The following C9orf50 variants were observed in gnomAD, a reference collection of about 807,000 sequenced individuals.
The protein encoded by C9orf50 is chromosome 9 open reading frame 50, also known as uncharacterized protein C9orf50.
A neutral mutation model predicts 42.5 loss-of-function variants in C9orf50; 33 were observed. The observed-to-expected ratio is 0.78, with a 90% CI of 0.59 to 1.04. The LOEUF (loss-of-function observed/expected upper bound fraction) is 1.04, where lower values mean the gene tolerates loss of function less well. Ranked by LOEUF, C9orf50 falls within the 50% of genes least tolerant of loss-of-function variation. The pLI is 0.00. For synonymous variants in C9orf50, 257 were observed against 273.4 expected (o/e 0.94, Z 0.59); for missense variants, 547 against 594.3 (o/e 0.92, Z 0.83).
exon 4 of C9orf50, chr9:129,615,549 C>G (rs772422291): frequency 3.1e-6 from 5 of 1,610,660 alleles, no homozygotes; most frequent in Non-Finnish European, 4.2e-6. Flanking sequence ...GAATCGCACC[C>G]GGAAAGGGCA....
chr9:129,613,696 CCT>C lies in C9orf50; in HGVS notation c.881-101_881-100del. ...TCTGGCAGGCAGGGCCGGTCAGAGC[CCT>C]GTCTCCATGGCAACCCCAGGCTCCC... On this transcript the variant is annotated intron_variant, in intron 4 of 6. Coordinates refer to ENST00000372478, the Ensembl canonical transcript of C9orf50. This position sits in a 1 kb window ranked among gnomAD's most constrained non-coding sequence, Gnocchi z 6.2. 3 of 1,485,808 alleles carry C rather than the reference CCT, an allele frequency of 2.0e-6. No homozygotes were observed. The highest frequency in any genetic ancestry group is 2.7e-6 in the Non-Finnish European group (3 of 1,094,812). 92.0% of individuals were successfully genotyped at this position (1,485,808 alleles called of 1,614,324 possible). A position where few individuals can be genotyped will look rare whatever the true frequency, so the allele number is the denominator to read the frequency against.
rs968336638 is a variant in C9orf50, at chr9:129,613,556, C to T, written c.922G>A (p.Val308Met). 6.2e-7 allele frequency: 1 copy of T among 1,614,188 alleles called. No homozygotes were observed. Residue 308 changes from valine (V) to methionine (M), a missense_variant, in exon 5 of 7, where the codon GTG becomes ATG. This residue lies in a region of C9orf50 where 334 missense variants were observed against 323.7 expected (regional missense o/e 1.03). Coordinates refer to ENST00000372478, the Ensembl canonical transcript of C9orf50. The surrounding 1 kb of genome is among the most constrained non-coding windows in gnomAD (Gnocchi z 6.2). The stretch of plus-strand genomic sequence containing the variant: ...CTCCCAAACACCCGCTCGGACGCCA[C>T]TGGCAGGGCGGCCTTCTGGTTCACA...
In C9orf50 at chr9:129,619,617, G is replaced by A. The variant is rs904777645; in HGVS notation, c.619C>T (p.Gln207Ter). 1 of 1,614,062 alleles carries A rather than the reference G, an allele frequency of 6.2e-7. No individual in the cohort carries two copies. Among genetic ancestry groups the A allele is most frequent in the Admixed American group, 1.7e-5 (1 of 60,016 alleles). The change falls in exon 3 of 7, where the codon CAG becomes TAG. Residue 207 changes from glutamine to a stop codon, truncating the protein, a stop_gained. Coordinates refer to ENST00000372478, the Ensembl canonical transcript of C9orf50. LOFTEE classifies it high-confidence loss of function. ...AGCGAAATCTTCGTAAGACTATCCT[G>A]GAGGTGCGATGACTGGCCCCTTAAA...
Position 129,613,394 on chromosome 9 carries a change from G to T in C9orf50, c.1043+41C>A, listed in dbSNP as rs773104164. On this transcript the variant is annotated intron_variant, in intron 5 of 6. Transcript: ENST00000372478. The surrounding 1 kb of genome is among the most constrained non-coding windows in gnomAD (Gnocchi z 6.2). The stretch of plus-strand genomic sequence containing the variant: ...GTAGGCAAGGGGGGTGGAGGGCCCT[G>T]GCAATGTCCACGAGTCCCATCCGCT... 1 of 1,604,504 alleles carries T rather than the reference G, an allele frequency of 6.2e-7. No homozygotes were observed. The highest frequency in any genetic ancestry group is 8.5e-7 in the Non-Finnish European group (1 of 1,173,796).
chr9:129,617,276 G>C (rs1830439062), intron 3 of C9orf50, among the ~76,000 whole-genome samples: 1 of 152,196 alleles, frequency 6.6e-6, no homozygotes, highest in Non-Finnish European at 1.5e-5. Context: ...CAAGCAGTTG[G>C]GAGGTGTCAG....
rs763049533 is a variant in C9orf50, at chr9:129,620,453, C to T, written c.122G>A (p.Arg41Gln). Residue 41 changes from arginine (R) to glutamine (Q), a missense_variant, in exon 1 of 7, where the codon CGA becomes CAA. Arg to Gln is a conservative substitution (Grantham distance 43, BLOSUM62 1). Transcript: ENST00000372478. This position sits in a 1 kb window ranked among gnomAD's most constrained non-coding sequence, Gnocchi z 5.8. ...GGAGCCCCGCGCGCCCAGAGCCGCT[C>T]GGAGCGCGGGCGGGGTCAGCTTGGG... The T allele has an allele frequency of 1.5e-6, 2 of 1,319,286 alleles. No homozygotes were observed. Among genetic ancestry groups the T allele is most frequent in the Non-Finnish European group, 1.9e-6 (2 of 1,032,370 alleles). 81.7% of individuals were successfully genotyped at this position (1,319,286 alleles called of 1,614,324 possible). A position where few individuals can be genotyped will look rare whatever the true frequency, so the allele number is the denominator to read the frequency against.
At chr9:129,619,851 T>C (rs995833600) in intron 1 of C9orf50, 21 bp from the exon 2 acceptor site, 1 of 1,611,826 alleles carries the variant, frequency 6.2e-7, no homozygotes, top group East Asian at 2.2e-5. Context: ...GAGGAAACAG[T>C]TGTGAGCCTT....
intron 1 of C9orf50, 116 bp downstream of exon 1, chr9:129,619,951 A>G (rs1830593302): frequency 6.8e-7 from 1 of 1,480,658 alleles, no homozygotes; most frequent in Non-Finnish European, 9.2e-7. Context: ...TGAGATACTC[A>G]GCTAACATTA....
chr9:129,621,707 GAGCCCC>G (rs906807995), upstream of C9orf50, among the ~76,000 whole-genome samples: 72 of 152,128 alleles, frequency 4.7e-4, no homozygotes, highest in African/African-American at 1.6e-3. Flanking sequence ...TTGGGAGGCA[GAGCCCC>G]AGTCTTACTC....
Position 129,613,883 on chromosome 9 carries a change from A to G in C9orf50, c.881-286T>C, listed in dbSNP as rs560188064. ...GTGGGGAGACCACTTACCCCATCAT[A>G]GAAATCCCAGAAACCATGCTGAGAG... On this transcript the variant is annotated intron_variant, in intron 4 of 6. Coordinates refer to ENST00000372478, the Ensembl canonical transcript of C9orf50. The surrounding 1 kb of genome is among the most constrained non-coding windows in gnomAD (Gnocchi z 6.2). Among the ~76,000 whole-genome samples, 1 of 152,322 alleles carries G rather than the reference A, an allele frequency of 6.6e-6. No individual in the cohort carries two copies. Among genetic ancestry groups the G allele is most frequent in the African/African-American group, 2.4e-5 (1 of 41,570 alleles).
chr9:129,618,040 T>G (rs1830480932), intron 3 of C9orf50, among the ~76,000 whole-genome samples: 1 of 152,206 alleles, frequency 6.6e-6, no homozygotes, highest in Non-Finnish European at 1.5e-5. Flanking sequence ...CCTAGAGTAC[T>G]GTGTGAGGAA....
chr9:129,612,299 C>G, exon 7 of C9orf50: 1 of 1,507,534 alleles, frequency 6.6e-7, no homozygotes, highest in Non-Finnish European at 9.2e-7. Flanking sequence ...GAAGGACGCT[C>G]CTCATTGCCT....
At position 129,613,081 on chromosome 9, in the gene C9orf50, G is replaced by A; in HGVS notation, c.1188+26C>T. 1 of 1,613,138 alleles carries A rather than the reference G, an allele frequency of 6.2e-7. No individual in the cohort carries two copies. The highest frequency in any genetic ancestry group is 1.3e-5 in the African/African-American group (1 of 75,050). The stretch of plus-strand genomic sequence containing the variant: ...CCAGCAGGGGCTCACCAGCTTCTAG[G>A]TCCAGGAGCAAGACCATTTGCCCAC... On this transcript the variant is annotated intron_variant, in intron 6 of 6. Transcript: ENST00000372478. The surrounding 1 kb of genome is among the most constrained non-coding windows in gnomAD (Gnocchi z 6.2).
exon 4 of C9orf50, chr9:129,615,520 C>A: frequency 6.2e-7 from 1 of 1,610,314 alleles, no homozygotes. Flanking sequence ...AGCGTTGTGT[C>A]CTGCAGGGTC....
intron 6 of C9orf50, 62 bp from the exon 7 acceptor site, chr9:129,612,516 C>A: frequency 7.6e-7 from 1 of 1,324,354 alleles, no homozygotes; most frequent in Non-Finnish European, 1.1e-6. Flanking sequence ...GACTGGGCTC[C>A]CAGTGGGATT....
In C9orf50 at chr9:129,613,865, G is replaced by A. The variant is rs1830217632; in HGVS notation, c.881-268C>T. Among the ~76,000 whole-genome samples the A allele has an allele frequency of 6.6e-6, 1 of 152,198 alleles. No individual in the cohort carries two copies. Among genetic ancestry groups the A allele is most frequent in the African/African-American group, 2.4e-5 (1 of 41,472 alleles). ...CGTGCCCCCTTTCTCGCAGTGGGGA[G>A]ACCACTTACCCCATCATAGAAATCC... On this transcript the variant is annotated intron_variant, in intron 4 of 6. Coordinates refer to ENST00000372478, the Ensembl canonical transcript of C9orf50. This position sits in a 1 kb window ranked among gnomAD's most constrained non-coding sequence, Gnocchi z 6.2.
exon 4 of C9orf50, chr9:129,615,617 G>A: frequency 6.3e-7 from 1 of 1,595,078 alleles, no homozygotes; most frequent in Non-Finnish European, 8.5e-7. Context: ...GCGCAGCCTT[G>A]AGCCTGGGGA....
chr9:129,612,755 C>T (rs555423498), intron 6 of C9orf50, among the ~76,000 whole-genome samples: 47 of 152,142 alleles, frequency 3.1e-4, no homozygotes, highest in Admixed American at 6.5e-4. Context: ...GTGGGTGTCC[C>T]CATTGCAGAG....
Position 129,614,713 on chromosome 9 carries a change from G to A in C9orf50, c.880+771C>T, listed in dbSNP as rs1014521782. 2.6e-5 allele frequency among the ~76,000 whole-genome samples: 4 copies of A among 152,064 alleles called. No homozygotes were observed. Among genetic ancestry groups the A allele is most frequent in the Non-Finnish European group, 5.9e-5 (4 of 68,008 alleles). ...AGGTCAGGAGTTCGAGACCACCCTG[G>A]TCAACATGGAGAAACCCCGTCTCTA... On this transcript the variant is annotated intron_variant, in intron 4 of 6. Transcript: ENST00000372478. This position sits in a 1 kb window ranked among gnomAD's most constrained non-coding sequence, Gnocchi z 4.4.
Sources: gnomAD v4.1 joint callset for allele counts (sites outside exome capture counted in the v4.1 genomes callset) on GRCh38, gnomAD v4.1.1 for gene constraint, gnomAD v4.1.1 regional missense constraint, Gnocchi (gnomAD v3.1) non-coding constraint, MANE v1.5 for transcripts, NCBI Gene and HGNC (gene_info 2026-07-23, HGNC 2026-07-21) for gene names.